FKTN: variants seen among roughly 807,000 people sequenced by gnomAD.
FKTN encodes ribitol-5-phosphate transferase FKTN.
In FKTN, 47 loss-of-function variants were observed where a neutral mutation model predicts 58.6. That is an observed-to-expected ratio of 0.80 (90% confidence interval 0.63 to 1.02). The LOEUF (loss-of-function observed/expected upper bound fraction) is 1.02. FKTN is among the 50% of genes least tolerant of loss of function. The pLI is 0.00. For missense variants in FKTN, 516 were observed against 537.3 expected (o/e 0.96, Z 0.39); for synonymous variants, 178 against 191.9 (o/e 0.93, Z 0.60).
chr9:105,632,168 A>C lies in FKTN; in HGVS notation c.1173-2883A>C, dbSNP rs1161779460. Among the ~76,000 whole-genome samples, 4 of 151,898 alleles carry C rather than the reference A, an allele frequency of 2.6e-5. 1 individual carries two copies. Among genetic ancestry groups the C allele is most frequent in the Admixed American group, 2.0e-4 (3 of 15,264 alleles). On this transcript the variant is annotated intron_variant, in intron 10 of 10. Transcript: ENST00000357998. The stretch of plus-strand genomic sequence containing the variant: ...TCATTCTCAGTAAACTATCGCAAGA[A>C]CAAAAAACCAAACACCGCATATTCT...
intron 1 of FKTN, among the ~76,000 whole-genome samples, chr9:105,565,050 G>C (rs1158270692): frequency 2.0e-5 from 3 of 152,106 alleles, no homozygotes; most frequent in Non-Finnish European, 4.4e-5. Flanking sequence ...GCCAAACTAA[G>C]CTTCATAAGT....
chr9:105,581,807 G>C (rs1248242347), intron 3 of FKTN, among the ~76,000 whole-genome samples: 7 of 152,192 alleles, frequency 4.6e-5, no homozygotes, highest in Non-Finnish European at 1.0e-4. Flanking sequence ...TGCTGGGCTA[G>C]CAATCAGCGA....
At chr9:105,629,024 C>T (rs1411535959) in intron 10 of FKTN, among the ~76,000 whole-genome samples, 1 of 152,042 alleles carries the variant, frequency 6.6e-6, no homozygotes, top group Non-Finnish European at 1.5e-5. Context: ...CAAAACTCAT[C>T]ACTTAAGATA....
At chr9:105,608,029 G>A in intron 7 of FKTN, 78 bp downstream of exon 7, 2 of 1,195,428 alleles carry the variant, frequency 1.7e-6, no homozygotes, top group Non-Finnish European at 2.5e-6. Flanking sequence ...GTGGTAAGAT[G>A]AAGGGGCTTA....
chr9:105,562,063 C>G (rs1166688314), intron 1 of FKTN, among the ~76,000 whole-genome samples: 1 of 152,108 alleles, frequency 6.6e-6, no homozygotes, highest in East Asian at 1.9e-4. Context: ...AGTTCAGCCT[C>G]CTGTTTTATT....
chr9:105,570,458 A>G (rs1424817667), intron 1 of FKTN, among the ~76,000 whole-genome samples: 1 of 152,148 alleles, frequency 6.6e-6, no homozygotes, highest in African/African-American at 2.4e-5. Flanking sequence ...CTCTATATTT[A>G]TCTCTGATAG....
chr9:105,623,854 A>G (rs1358318348), intron 10 of FKTN, among the ~76,000 whole-genome samples: 2 of 152,228 alleles, frequency 1.3e-5, no homozygotes, highest in South Asian at 2.1e-4. Flanking sequence ...TCTAGAAACA[A>G]TGGCAAAGAA....
intron 3 of FKTN, among the ~76,000 whole-genome samples, chr9:105,585,790 T>G (rs1268390446): frequency 6.6e-6 from 1 of 152,236 alleles, no homozygotes; most frequent in African/African-American, 2.4e-5. Flanking sequence ...ATAGTTCAAT[T>G]AAATGTTTGA....
In FKTN at chr9:105,640,115, G is replaced by A; in HGVS notation, c.*4851G>A. 6.5e-7 allele frequency: 1 copy of A among 1,535,064 alleles called. No individual in the cohort carries two copies. The highest frequency in any genetic ancestry group is 1.2e-5 in the South Asian group (1 of 84,034). Reference sequence around the variant, plus strand: ...ATCTCAACTAGGCAAGAATCAGCAGGGTGCATGATGCCATTTTAAGCTGCT... The same window carrying A: ...ATCTCAACTAGGCAAGAATCAGCAGAGTGCATGATGCCATTTTAAGCTGCT... On this transcript the variant is annotated 3_prime_UTR_variant, in exon 11 of 11. Transcript: ENST00000357998.
chr9:105,631,649 CA>C (rs1833469121), intron 10 of FKTN, among the ~76,000 whole-genome samples: 1 of 151,646 alleles, frequency 6.6e-6, no homozygotes, highest in Admixed American at 6.6e-5. Flanking sequence ...TTTATGCAGC[CA>C]AAAAACACAT....
At chr9:105,578,144 A>G (rs1842109042) in intron 3 of FKTN, among the ~76,000 whole-genome samples, 1 of 150,654 alleles carries the variant, frequency 6.6e-6, no homozygotes, top group Non-Finnish European at 1.5e-5. Flanking sequence ...CTCTTTTCCT[A>G]ATTGAATACC....
In FKTN at chr9:105,599,513, G is replaced by T. The variant is rs572750573; in HGVS notation, c.166-1632G>T. ...TTTTTTGAGATGAAGTCTCTCTGTC[G>T]CCCAGGCTGGAGTGCAGCCATGTGA... On this transcript the variant is annotated intron_variant, in intron 4 of 10. Transcript: ENST00000357998. Among the ~76,000 whole-genome samples the T allele has an allele frequency of 1.6e-3, 210 of 130,096 alleles. 1 individual carries two copies. Among genetic ancestry groups the T allele is most frequent in the Middle Eastern group, 4.7e-3 (1 of 214 alleles). 85.3% of individuals were successfully genotyped at this position (130,096 alleles called of 152,430 possible).
At chr9:105,606,120 C>A (rs1828846082) in intron 6 of FKTN, among the ~76,000 whole-genome samples, 1 of 151,868 alleles carries the variant, frequency 6.6e-6, no homozygotes, top group African/African-American at 2.4e-5. Flanking sequence ...TGGATGTATA[C>A]CCTTATAGTA....
At chr9:105,632,349 C>T (rs936764141) in intron 10 of FKTN, among the ~76,000 whole-genome samples, 1 of 151,362 alleles carries the variant, frequency 6.6e-6, no homozygotes, top group African/African-American at 2.4e-5. Context: ...AGTGCACCAG[C>T]ATGGCACATG....
rs1158370754 is a variant in FKTN at position 105,595,086 on chromosome 9, C to T, written c.106-1512C>T. Among the ~76,000 whole-genome samples the T allele has an allele frequency of 4.6e-5, 7 of 152,174 alleles. No individual in the cohort carries two copies. The East Asian group carries it at 1.4e-3, about 29-fold the overall frequency. ...TTAGTGAAAAACCAGATGTAAAAGG[C>T]CACATATATGATTCCATTTTTATGT... On this transcript the variant is annotated intron_variant, in intron 3 of 10. Transcript: ENST00000357998.
At position 105,594,849 on chromosome 9, in the gene FKTN, A is replaced by G. The variant is rs1047877761; in HGVS notation, c.106-1749A>G. On this transcript the variant is annotated intron_variant, in intron 3 of 10. Coordinates refer to ENST00000357998, the MANE Select transcript of FKTN (RefSeq NM_001079802.2). ...AGTTGGCCTTTGCTGAGCAAATAAAATGAAGTCAGATGGAGGAAAGTTGTC... is the reference window on the plus strand; with the variant it reads ...AGTTGGCCTTTGCTGAGCAAATAAAGTGAAGTCAGATGGAGGAAAGTTGTC... 2.0e-5 allele frequency among the ~76,000 whole-genome samples: 3 copies of G among 152,344 alleles called. No homozygotes were observed. In the East Asian group the frequency reaches 5.8e-4, roughly 29 times the overall value.
intron 3 of FKTN, among the ~76,000 whole-genome samples, chr9:105,590,309 A>C (rs1844643300): frequency 6.6e-6 from 1 of 152,170 alleles, no homozygotes; most frequent in Non-Finnish European, 1.5e-5. Flanking sequence ...GTCTGCTGCC[A>C]TGTAAGATAT....
intron 1 of FKTN, among the ~76,000 whole-genome samples, chr9:105,558,921 A>G (rs937175288): frequency 6.6e-6 from 1 of 152,198 alleles, no homozygotes; most frequent in East Asian, 1.9e-4. Context: ...ATTTGTGGAC[A>G]TAAGTTTAGT....
intron 1 of FKTN, among the ~76,000 whole-genome samples, chr9:105,566,778 C>T (rs12345599): frequency 0.13 from 19,291 of 152,172 alleles, 1,594 homozygotes; most frequent in East Asian, 0.46. Flanking sequence ...AGAGGGAATC[C>T]TCCCTAACTC....
Sources: allele counts gnomAD v4.1 joint callset (sites outside exome capture counted in the v4.1 genomes callset), GRCh38; gene constraint gnomAD v4.1.1; transcripts MANE v1.5; gene names NCBI Gene and HGNC (gene_info 2026-07-23, HGNC 2026-07-21).